NUP153: variants seen among roughly 807,000 people sequenced by gnomAD.
NUP153 encodes nuclear pore complex protein Nup153.
NUP153 carries 27 observed loss-of-function variants against 134.6 expected under a neutral mutation model. The ratio of observed to expected loss-of-function variants is 0.20; its 90% CI spans 0.15 to 0.28. The LOEUF (loss-of-function observed/expected upper bound fraction) is 0.28. Ranked by LOEUF, NUP153 falls within the 10% of genes least tolerant of loss-of-function variation. The probability of loss-of-function intolerance (pLI) is 1.00; values close to 1 mark genes in which losing one functional copy is unlikely to be tolerated. For synonymous variants in NUP153, 640 were observed against 623.5 expected (o/e 1.03, Z -0.40); for missense variants, 1,821 against 1,731.3 (o/e 1.05, Z -0.92).
intron 1 of NUP153, among the ~76,000 whole-genome samples, chr6:17,692,377 T>C (rs1205087780): frequency 1.3e-5 from 2 of 152,136 alleles, no homozygotes; most frequent in African/African-American, 4.8e-5. Context: ...TAGCTAGAAC[T>C]GTGGCACAGG....
At chr6:17,686,894 C>A (rs1418333985) in intron 2 of NUP153, among the ~76,000 whole-genome samples, 1 of 940 alleles carries the variant, frequency 1.1e-3, no homozygotes, top group Non-Finnish European at 2.3e-3. Flanking sequence ...GGGCGGGCGG[C>A]GGGGGAGGGG....
At chr6:17,674,335 A>G (rs930092726) in intron 5 of NUP153, among the ~76,000 whole-genome samples, 1 of 152,094 alleles carries the variant, frequency 6.6e-6, no homozygotes. Context: ...TACGTCATTT[A>G]AAAAAAAGAA....
chr6:17,665,400 G>C lies in NUP153; in HGVS notation c.1069-15C>G. The C allele has an allele frequency of 3.2e-6, 5 of 1,584,500 alleles. No homozygotes were observed. The highest frequency in any genetic ancestry group is 4.3e-6 in the Non-Finnish European group (5 of 1,168,388). ...TGAGAATCCACCTTACAGGTAAAGA[G>C]AAATCAAAAACATTTATTTTCATAT... On this transcript the variant is annotated splice_polypyrimidine_tract_variant and intron_variant, in intron 8 of 21. Coordinates refer to ENST00000262077, the MANE Select transcript of NUP153 (RefSeq NM_005124.4).
intron 2 of NUP153, among the ~76,000 whole-genome samples, chr6:17,685,085 T>C (rs1768832482): frequency 6.6e-6 from 1 of 152,242 alleles, no homozygotes; most frequent in Non-Finnish European, 1.5e-5. Flanking sequence ...GACATGGGAT[T>C]GCCACAAACT....
intron 1 of NUP153, among the ~76,000 whole-genome samples, chr6:17,693,183 TACACACAC>T (rs67348223): frequency 0.015 from 2,173 of 145,912 alleles, 59 homozygotes; most frequent in African/African-American, 0.051. Context: ...AGCTTTTTCC[TACACACAC>T]ACACACACAC....
chr6:17,641,189 G>GT (rs1765816116), intron 14 of NUP153, among the ~76,000 whole-genome samples: 1 of 152,116 alleles, frequency 6.6e-6, no homozygotes. Context: ...GACCTGACAT[G>GT]TAAGTTTCTG....
At chr6:17,644,759 C>T (rs988863872) in intron 14 of NUP153, among the ~76,000 whole-genome samples, 1 of 152,048 alleles carries the variant, frequency 6.6e-6, no homozygotes, top group African/African-American at 2.4e-5. Context: ...CCTGGCCAAA[C>T]GTGGTGAAAC....
In NUP153 at chr6:17,621,583, G is replaced by A. The variant is rs576963490; in HGVS notation, c.4174+2978C>T. On this transcript the variant is annotated intron_variant, in intron 20 of 21. Transcript: ENST00000262077. ...ATGGCACTGAAGGACATTATGTTAGGTGAAATAAGCCAGGCACAAAGACAC... is the reference window on the plus strand; with the variant it reads ...ATGGCACTGAAGGACATTATGTTAGATGAAATAAGCCAGGCACAAAGACAC... Among the ~76,000 whole-genome samples, 6 of 152,332 alleles carry A rather than the reference G, an allele frequency of 3.9e-5. No individual in the cohort carries two copies. In the South Asian group the frequency reaches 1.0e-3, roughly 26 times the overall value.
At chr6:17,673,561 G>A (rs549038735) in intron 5 of NUP153, among the ~76,000 whole-genome samples, 3 of 152,274 alleles carry the variant, frequency 2.0e-5, no homozygotes, top group African/African-American at 7.2e-5. Context: ...TTCACCAAAA[G>A]ATAGGCTGAT....
chr6:17,629,042 T>G lies in NUP153; in HGVS notation c.3157A>C (p.Ile1053Leu). The change falls in exon 18 of 22, where the codon ATA (isoleucine) becomes CTA (leucine). Residue 1053 changes from isoleucine to leucine, a missense_variant. Coordinates refer to ENST00000262077, the MANE Select transcript of NUP153 (RefSeq NM_005124.4). Reference sequence around the variant, plus strand: ...GCCACTGAAGCACTCTTGGTTTCTATGGTTCCAAGGTTGAAGCTGCTCTTG... The same window carrying G: ...GCCACTGAAGCACTCTTGGTTTCTAGGGTTCCAAGGTTGAAGCTGCTCTTG... Reference protein sequence around the residue: ...ENKSSFNLGTIETKSASVAPF... With the variant: ...ENKSSFNLGTLETKSASVAPF... The G allele has an allele frequency of 6.2e-7, 1 of 1,614,216 alleles. No homozygotes were observed. Among genetic ancestry groups the G allele is most frequent in the Admixed American group, 1.7e-5 (1 of 60,026 alleles).
chr6:17,695,366 C>T (rs1581778470), intron 1 of NUP153, among the ~76,000 whole-genome samples: 2 of 152,114 alleles, frequency 1.3e-5, no homozygotes, highest in South Asian at 2.1e-4. Flanking sequence ...TGTTTGAGAA[C>T]CACTATACTG....
At chr6:17,645,706 C>G (rs1464927408) in intron 14 of NUP153, among the ~76,000 whole-genome samples, 1 of 152,100 alleles carries the variant, frequency 6.6e-6, no homozygotes, top group East Asian at 1.9e-4. Flanking sequence ...AAGGTAAAAA[C>G]TAGAAATAAA....
Position 17,638,091 on chromosome 6 carries a change from GTC to G in NUP153, c.1847-323_1847-322del, listed in dbSNP as rs1308427899. 6.6e-6 allele frequency among the ~76,000 whole-genome samples: 1 copy of G among 152,208 alleles called. No individual in the cohort carries two copies. Among genetic ancestry groups the G allele is most frequent in the African/African-American group, 2.4e-5 (1 of 41,526 alleles). ...TGCCATCCACATTTTGCTATATTCT[GTC>G]TCTCTACAAACACACAATACTCGCA... On this transcript the variant is annotated intron_variant, in intron 15 of 21. Coordinates refer to ENST00000262077, the MANE Select transcript of NUP153 (RefSeq NM_005124.4). This position sits in a 1 kb window ranked among gnomAD's most constrained non-coding sequence, Gnocchi z 4.0.
intron 2 of NUP153, among the ~76,000 whole-genome samples, chr6:17,684,732 G>C (rs140325264): frequency 6.6e-6 from 1 of 152,110 alleles, no homozygotes; most frequent in Non-Finnish European, 1.5e-5. Context: ...GATAAAAGAC[G>C]GGGAACTCTG....
chr6:17,652,059 T>C (rs1766523877), intron 11 of NUP153: 1 of 375,516 alleles, frequency 2.7e-6, no homozygotes, highest in Non-Finnish European at 4.8e-6. Flanking sequence ...CAAAAATAAA[T>C]AAATAAATAA....
intron 8 of NUP153, among the ~76,000 whole-genome samples, chr6:17,667,859 TA>T (rs1767636863): frequency 6.6e-6 from 1 of 152,194 alleles, no homozygotes; most frequent in African/African-American, 2.4e-5. Context: ...CCGCCAAAGT[TA>T]ATTTTAAGCA....
At chr6:17,650,772 T>C (rs1238739282) in intron 11 of NUP153, among the ~76,000 whole-genome samples, 3 of 152,120 alleles carry the variant, frequency 2.0e-5, no homozygotes, top group African/African-American at 4.8e-5. Context: ...TTAATTTCCT[T>C]AAAATATATT....
intron 5 of NUP153, among the ~76,000 whole-genome samples, chr6:17,669,753 T>C (rs1238191919): frequency 2.6e-5 from 4 of 152,110 alleles, no homozygotes; most frequent in African/African-American, 9.7e-5. Flanking sequence ...GATTGAGAAA[T>C]TACCTTTACA....
chr6:17,693,043 TAC>T (rs1340757695), intron 1 of NUP153, among the ~76,000 whole-genome samples: 2 of 152,202 alleles, frequency 1.3e-5, no homozygotes, highest in Non-Finnish European at 2.9e-5. Flanking sequence ...CTGTGCTAAA[TAC>T]ATACAGTTCA....
Sources: allele counts gnomAD v4.1 joint callset (sites outside exome capture counted in the v4.1 genomes callset), GRCh38; gene constraint gnomAD v4.1.1; non-coding constraint Gnocchi (gnomAD v3.1); transcripts MANE v1.5; gene names NCBI Gene and HGNC (gene_info 2026-07-23, HGNC 2026-07-21).